The following KLHL13 variants were observed in gnomAD, a reference collection of about 807,000 sequenced individuals.
KLHL13 encodes kelch like family member 13.
A neutral mutation model predicts 37.1 loss-of-function variants in KLHL13; 10 were observed. That is an observed-to-expected ratio of 0.27 (90% CI 0.17 to 0.46). KLHL13 has a LOEUF of 0.46. Ranked by LOEUF, KLHL13 falls within the 20% of genes least tolerant of loss-of-function variation. The probability of loss-of-function intolerance (pLI) is 1.00; values close to 1 mark genes in which losing one functional copy is unlikely to be tolerated. For missense variants in KLHL13, 360 were observed against 509.3 expected, an observed-to-expected ratio of 0.71 and a Z score of 2.82; for synonymous variants, 163 against 181.2, an observed-to-expected ratio of 0.90 and a Z score of 0.81.
rs751730748 is a variant in KLHL13 at position 118,070,659 on chromosome X, G to C, written c.-56+45849C>G. Among the ~76,000 whole-genome samples, 4 of 109,664 alleles carry C rather than the reference G, an allele frequency of 3.6e-5. No homozygotes were observed. In the South Asian group the frequency reaches 1.2e-3, roughly 32 times the overall value. Reference sequence around the variant, plus strand: ...ATAATAGATTTTTTTTTGTCTGCTTGTTCTATCAGTTACTGAGAGAGGTGG... The same window carrying C: ...ATAATAGATTTTTTTTTGTCTGCTTCTTCTATCAGTTACTGAGAGAGGTGG... On this transcript the variant is annotated intron_variant, in intron 1 of 6. Transcript: ENST00000371882.
At chrX:118,038,219 TACTC>T (rs2054471227) in intron 1 of KLHL13, among the ~76,000 whole-genome samples, 1 of 111,962 alleles carries the variant, frequency 8.9e-6, no homozygotes, top group African/African-American at 3.2e-5. Context: ...TGGGAAATGT[TACTC>T]AAGTGAAGGC....
intron 1 of KLHL13, among the ~76,000 whole-genome samples, chrX:118,036,434 C>T (rs192452649): frequency 0.17 from 18,403 of 110,380 alleles, 1,403 homozygotes; most frequent in East Asian, 0.33. Context: ...TCAGAAACAA[C>T]GCCGCATATC....
chrX:117,928,826 A>G (rs1932231650), intron 2 of KLHL13, among the ~76,000 whole-genome samples: 1 of 111,885 alleles, frequency 8.9e-6, no homozygotes, highest in Non-Finnish European at 1.9e-5. Context: ...GAGAATTGCA[A>G]TAATAAAGAT....
At chrX:118,063,947 C>T (rs1032506634) in intron 1 of KLHL13, among the ~76,000 whole-genome samples, 4 of 111,668 alleles carry the variant, frequency 3.6e-5, no homozygotes, top group African/African-American at 1.3e-4. Flanking sequence ...AGCAATTACA[C>T]CCTAGCAGCT....
chrX:118,100,453 A>C (rs1035194746), intron 1 of KLHL13, among the ~76,000 whole-genome samples: 2 of 111,689 alleles, frequency 1.8e-5, no homozygotes, highest in African/African-American at 6.5e-5. Flanking sequence ...AAACACTGAT[A>C]TTGTTATGTT....
chrX:117,930,290 AAGGCAGGC>A (rs1166028829), intron 2 of KLHL13, among the ~76,000 whole-genome samples: 4 of 77,977 alleles, frequency 5.1e-5, no homozygotes, highest in South Asian at 5.9e-4. Context: ...GGAAGGAAGG[AAGGCAGGC>A]AGGCAGGCAG....
intron 1 of KLHL13, among the ~76,000 whole-genome samples, chrX:118,086,467 A>T (rs757945023): frequency 1.8e-5 from 2 of 112,191 alleles, no homozygotes; most frequent in Non-Finnish European, 3.8e-5. Context: ...ATACTAAAAA[A>T]AAACACTGAT....
chrX:117,941,486 G>GGCTATTAAT (rs1569421631), intron 2 of KLHL13, among the ~76,000 whole-genome samples: 1 of 111,429 alleles, frequency 9.0e-6, no homozygotes. Flanking sequence ...TTGGTTGGTA[G>GGCTATTAAT]GCTATTAATT....
intron 1 of KLHL13, among the ~76,000 whole-genome samples, chrX:118,099,755 T>G (rs928054045): frequency 9.2e-6 from 1 of 109,154 alleles, no homozygotes; most frequent in African/African-American, 3.4e-5. Flanking sequence ...TGCAGTGAGC[T>G]GAGATGGTGC....
intron 1 of KLHL13, among the ~76,000 whole-genome samples, chrX:117,989,037 C>T (rs1381927835): frequency 9.0e-6 from 1 of 111,187 alleles, no homozygotes; most frequent in Non-Finnish European, 1.9e-5. Flanking sequence ...TAGAAATAAG[C>T]TAAATGACAT....
rs140582025 is a variant in KLHL13, at chrX:117,971,212, A to C, written c.98+1519T>G. ...CAATTTGGATCTTTTAGACAATCAA[A>C]TATAGTAGGAATATTAGAAACATTA... On this transcript the variant is annotated intron_variant, in intron 1 of 6. Coordinates refer to ENST00000262820, the Ensembl canonical transcript of KLHL13. Among the ~76,000 whole-genome samples the C allele has an allele frequency of 1.5e-3, 170 of 111,814 alleles. 2 individuals carry two copies. The highest frequency in any genetic ancestry group is 5.3e-3 in the African/African-American group (165 of 30,926).
chrX:118,006,566 A>G (rs1221298314), intron 1 of KLHL13, among the ~76,000 whole-genome samples: 1 of 112,030 alleles, frequency 8.9e-6, no homozygotes, highest in Non-Finnish European at 1.9e-5. Context: ...AGCCACAGCT[A>G]TTCTTAGAAA....
At chrX:118,083,896 T>C (rs1183247345) in intron 1 of KLHL13, among the ~76,000 whole-genome samples, 1 of 111,656 alleles carries the variant, frequency 9.0e-6, no homozygotes, top group Admixed American at 9.5e-5. Context: ...AGGCTAAAAA[T>C]AGATGCACTA....
intron 1 of KLHL13, among the ~76,000 whole-genome samples, chrX:118,110,592 T>C (rs2055399882): frequency 9.1e-6 from 1 of 110,006 alleles, no homozygotes; most frequent in African/African-American, 3.3e-5. Context: ...TTGGTCAGGA[T>C]GGTCTCGATC....
At chrX:117,901,394 G>A (rs1321522554) in intron 6 of KLHL13, among the ~76,000 whole-genome samples, 1 of 111,140 alleles carries the variant, frequency 9.0e-6, no homozygotes, top group East Asian at 2.8e-4. Flanking sequence ...AACAGGATTG[G>A]TTTACTAGTA....
chrX:117,908,081 ATT>A (rs1930672646), intron 5 of KLHL13, among the ~76,000 whole-genome samples: 1 of 103,583 alleles, frequency 9.7e-6, no homozygotes, highest in African/African-American at 3.5e-5. Flanking sequence ...TTATTTATTT[ATT>A]TATTTATTTA....
intron 1 of KLHL13, among the ~76,000 whole-genome samples, chrX:118,032,810 T>G (rs147225728): frequency 9.0e-6 from 1 of 111,492 alleles, no homozygotes; most frequent in African/African-American, 3.3e-5. Flanking sequence ...GGGAGGAAAT[T>G]CAAACCAAAG....
At chrX:118,081,198 A>G (rs1277343415) in intron 1 of KLHL13, among the ~76,000 whole-genome samples, 1 of 111,770 alleles carries the variant, frequency 8.9e-6, no homozygotes, top group Non-Finnish European at 1.9e-5. Flanking sequence ...CCCATGTAAC[A>G]AACCTGCATA....
intron 1 of KLHL13, among the ~76,000 whole-genome samples, chrX:118,022,577 C>T (rs1487232372): frequency 8.9e-6 from 1 of 111,822 alleles, no homozygotes; most frequent in African/African-American, 3.2e-5. Context: ...TTTACATCTC[C>T]CTGATGATGT....
Sources: gnomAD v4.1 joint callset for allele counts (sites outside exome capture counted in the v4.1 genomes callset) on GRCh38, gnomAD v4.1.1 for gene constraint, MANE v1.5 for transcripts, NCBI Gene and HGNC (gene_info 2026-07-23, HGNC 2026-07-21) for gene names.